The following CYFIP1 variants were observed in gnomAD, a reference collection of about 807,000 sequenced individuals.
CYFIP1 encodes the protein cytoplasmic FMR1-interacting protein 1.
In CYFIP1, 58 loss-of-function variants were observed where a neutral mutation model predicts 163.5. The observed-to-expected ratio is 0.35, with a 90% CI of 0.29 to 0.44. CYFIP1 has a LOEUF of 0.44. Among genes scored for constraint, CYFIP1 ranks in the 20% least tolerant of loss-of-function variants. CYFIP1 has a pLI of 1.00. For missense variants in CYFIP1, 1,338 were observed against 1,653.8 expected, an observed-to-expected ratio of 0.81 and a Z score of 3.31; for synonymous variants, 663 against 660.7, an observed-to-expected ratio of 1.00 and a Z score of -0.05.
chr15:22,923,318 C>T (rs542937717), intron 13 of CYFIP1, among the ~76,000 whole-genome samples: 2 of 152,272 alleles, frequency 1.3e-5, no homozygotes, highest in East Asian at 1.9e-4. Flanking sequence ...AGAGACATTT[C>T]TCCAAATAAT....
intron 18 of CYFIP1, 76 bp downstream of exon 18, chr15:22,912,103 T>C: frequency 1.5e-6 from 2 of 1,309,956 alleles, no homozygotes; most frequent in Non-Finnish European, 2.1e-6. Context: ...GAAAGTTGAA[T>C]ACTTGGGAGA....
chr15:22,883,692 C>T (rs2059843945), intron 23 of CYFIP1, among the ~76,000 whole-genome samples: 1 of 151,682 alleles, frequency 6.6e-6, no homozygotes, highest in Non-Finnish European at 1.5e-5. Flanking sequence ...TGGCAGGTGC[C>T]TGTAGTCCCA....
rs555341318 is a variant in CYFIP1, at chr15:22,957,618, A to G, written c.-6-10327T>C. Among the ~76,000 whole-genome samples, 8 of 152,334 alleles carry G rather than the reference A, an allele frequency of 5.3e-5. No individual in the cohort carries two copies. In the East Asian group the frequency reaches 7.7e-4, roughly 15 times the overall value. On this transcript the variant is annotated intron_variant, in intron 1 of 30. Transcript: ENST00000617928. Reference sequence around the variant, plus strand: ...GTCACTGCACTCCAGCCTGGGCGACAGAGCAAGACTCCATCTCAAAAAACA... The same window carrying G: ...GTCACTGCACTCCAGCCTGGGCGACGGAGCAAGACTCCATCTCAAAAAACA...
At chr15:22,907,824 C>T (rs778980342) in intron 21 of CYFIP1, among the ~76,000 whole-genome samples, 4 of 152,292 alleles carry the variant, frequency 2.6e-5, no homozygotes, top group Non-Finnish European at 4.4e-5. Flanking sequence ...CCGGCCCTGG[C>T]TCCAGCATGT....
chr15:22,910,155 A>ATT (rs79430425), intron 20 of CYFIP1, among the ~76,000 whole-genome samples: 2 of 149,042 alleles, frequency 1.3e-5, no homozygotes, highest in East Asian at 3.9e-4. Flanking sequence ...AATCTCAATC[A>ATT]TTTTTTTTTT....
At chr15:22,892,221 T>G (rs1019476893) in intron 23 of CYFIP1, among the ~76,000 whole-genome samples, 1 of 152,250 alleles carries the variant, frequency 6.6e-6, no homozygotes, top group African/African-American at 2.4e-5. Flanking sequence ...GTGGGGTATC[T>G]GCTCATTTCA....
chr15:22,966,930 T>A (rs1297721181), intron 1 of CYFIP1, among the ~76,000 whole-genome samples: 1 of 151,278 alleles, frequency 6.6e-6, no homozygotes, highest in Non-Finnish European at 1.5e-5. Context: ...TTTACGTTGA[T>A]GAACACACAG....
At chr15:22,874,437 G>T in intron 28 of CYFIP1, 113 bp downstream of exon 28, 1 of 702,886 alleles carries the variant, frequency 1.4e-6, no homozygotes, top group Non-Finnish European at 2.3e-6. Flanking sequence ...GGCCTGAGCA[G>T]CCACGCAGCC....
intron 22 of CYFIP1, among the ~76,000 whole-genome samples, chr15:22,896,563 T>C (rs1289551488): frequency 1.3e-5 from 2 of 152,098 alleles, no homozygotes; most frequent in Admixed American, 6.6e-5. Context: ...TCCACTGTTA[T>C]AATCTCAAAC....
intron 20 of CYFIP1, 152 bp from the exon 21 acceptor site, chr15:22,909,465 A>C: frequency 1.1e-6 from 1 of 870,572 alleles, no homozygotes; most frequent in Non-Finnish European, 1.8e-6. Context: ...CATACATGGC[A>C]GCCTGTGTGT....
At chr15:22,962,392 CTTTTTTTTCTTT>C (rs1201955006) in intron 1 of CYFIP1, among the ~76,000 whole-genome samples, 2 of 133,512 alleles carry the variant, frequency 1.5e-5, no homozygotes, top group African/African-American at 2.8e-5. Flanking sequence ...CTATATTCTT[CTTTTTTTTCTTT>C]TTTTTTTTCT....
At position 22,909,257 on chromosome 15, in the gene CYFIP1, G is replaced by A. The variant is rs778643888; in HGVS notation, c.2325C>T (p.Ala775=). The change falls in exon 21 of 31, where the codon GCC becomes GCT. Residue 775 remains alanine, a synonymous_variant. Transcript: ENST00000617928. ...TCGCCAGTTCTAGGGACTTATACAT[G>A]GCTGCTGAGACGCGCTGGGTGATCA... ...NRLITQRVSA[A]MYKSLELAIG... is the part of the protein sequence containing the mutation. The A allele has an allele frequency of 6.2e-7, 1 of 1,614,166 alleles. No individual in the cohort carries two copies. The highest frequency in any genetic ancestry group is 8.5e-7 in the Non-Finnish European group (1 of 1,180,006).
chr15:22,873,741 A>G lies in CYFIP1; in HGVS notation c.3211-12T>C, dbSNP rs1482820174. On this transcript the variant is annotated splice_polypyrimidine_tract_variant and intron_variant, in intron 28 of 30. Coordinates refer to ENST00000617928, the MANE Select transcript of CYFIP1 (RefSeq NM_014608.6). ...GCGATGGCAATTTGCTGCAGAAAGG[A>G]CAAGCCGTGGAATGCCGTGGGCCTC... 1 of 1,606,252 alleles carries G rather than the reference A, an allele frequency of 6.2e-7. No individual in the cohort carries two copies. The highest frequency in any genetic ancestry group is 2.2e-5 in the East Asian group (1 of 44,792).
At chr15:22,872,315 GAAAAA>G (rs2059458104) in intron 30 of CYFIP1, among the ~76,000 whole-genome samples, 1 of 147,996 alleles carries the variant, frequency 6.8e-6, no homozygotes, top group Non-Finnish European at 1.5e-5. Context: ...AAAAAAGAAA[GAAAAA>G]AGAAAACTGA....
intron 1 of CYFIP1, among the ~76,000 whole-genome samples, chr15:22,978,762 A>G (rs1392628583): frequency 6.6e-6 from 1 of 152,124 alleles, no homozygotes; most frequent in African/African-American, 2.4e-5. Flanking sequence ...AAACCAGAGC[A>G]TAGCTGAATC....
chr15:22,879,816 C>G (rs1595500112), intron 26 of CYFIP1, 97 bp downstream of exon 26: 3 of 873,884 alleles, frequency 3.4e-6, no homozygotes, highest in East Asian at 5.3e-5. Context: ...TTGCCACACC[C>G]CCACTAAAGA....
intron 1 of CYFIP1, among the ~76,000 whole-genome samples, chr15:22,968,463 G>A (rs73426852): frequency 0.011 from 1,723 of 152,214 alleles, 33 homozygotes; most frequent in African/African-American, 0.04. Context: ...CTTTTCCCCG[G>A]GTCTTTAGCC....
intron 13 of CYFIP1, among the ~76,000 whole-genome samples, chr15:22,921,600 G>A (rs2061179673): frequency 6.6e-6 from 1 of 151,316 alleles, no homozygotes; most frequent in African/African-American, 2.4e-5. Context: ...TGGATCACTT[G>A]AGGTCAGGAG....
At chr15:22,924,843 G>A (rs754598750) in intron 13 of CYFIP1, among the ~76,000 whole-genome samples, 6 of 151,976 alleles carry the variant, frequency 3.9e-5, no homozygotes, top group African/African-American at 9.7e-5. Flanking sequence ...AGGCTGAGGC[G>A]GGTGGATTGC....
Sources: gnomAD v4.1 joint callset for allele counts (sites outside exome capture counted in the v4.1 genomes callset) on GRCh38, gnomAD v4.1.1 for gene constraint, MANE v1.5 for transcripts, NCBI Gene and HGNC (gene_info 2026-07-23, HGNC 2026-07-21) for gene names.